GREB1L: variants seen among roughly 807,000 people sequenced by gnomAD.
GREB1L encodes GREB1 like retinoic acid receptor coactivator.
In GREB1L, 17 loss-of-function variants were observed where a neutral mutation model predicts 200.8. The ratio of observed to expected loss-of-function variants is 0.08; its 90% CI spans 0.06 to 0.13. The LOEUF (loss-of-function observed/expected upper bound fraction) is 0.13. Ranked by LOEUF, GREB1L falls within the 10% of genes least tolerant of loss-of-function variation. The pLI is 1.00. For synonymous variants in GREB1L, 789 were observed against 893.0 expected (o/e 0.88, Z 2.08); for missense variants, 1,657 against 2,367.7 (o/e 0.70, Z 6.23).
chr18:21,401,461 G>T, intron 6 of GREB1L, 135 bp downstream of exon 6: 2 of 689,176 alleles, frequency 2.9e-6, no homozygotes, highest in Non-Finnish European at 4.6e-6. Context: ...AAAATTTAAA[G>T]CCTTCTGGTA....
At chr18:21,495,506 A>G (rs1204597210) in intron 19 of GREB1L, among the ~76,000 whole-genome samples, 164 bp from the exon 20 acceptor site, 1 of 152,232 alleles carries the variant, frequency 6.6e-6, no homozygotes, top group African/African-American at 2.4e-5. Flanking sequence ...TGCCTTGTAT[A>G]TGCGATGTAG....
intron 7 of GREB1L, among the ~76,000 whole-genome samples, chr18:21,422,426 C>T (rs1450783316): frequency 6.6e-6 from 1 of 152,102 alleles, no homozygotes; most frequent in Non-Finnish European, 1.5e-5. Flanking sequence ...TTCTAGTCTC[C>T]TCCCAAACAG....
chr18:21,426,573 T>C (rs2032594721), intron 7 of GREB1L, among the ~76,000 whole-genome samples: 1 of 152,230 alleles, frequency 6.6e-6, no homozygotes, highest in Non-Finnish European at 1.5e-5. Flanking sequence ...TCTGTCCTTA[T>C]GCCAACACCA....
intron 1 of GREB1L, among the ~76,000 whole-genome samples, chr18:21,253,804 C>G (rs2037752943): frequency 7.1e-6 from 1 of 141,336 alleles, no homozygotes; most frequent in East Asian, 2.0e-4. Context: ...TTTCCCAAAT[C>G]TTTTGGTAAC....
At chr18:21,441,220 A>T (rs1472869791) in intron 9 of GREB1L, among the ~76,000 whole-genome samples, 180 bp from the exon 10 acceptor site, 2 of 152,228 alleles carry the variant, frequency 1.3e-5, no homozygotes, top group East Asian at 3.8e-4. Context: ...GATTATGGTT[A>T]ATTTTTTTTC....
chr18:21,392,733 C>T (rs1294993486), intron 4 of GREB1L, among the ~76,000 whole-genome samples: 1 of 151,482 alleles, frequency 6.6e-6, no homozygotes, highest in South Asian at 2.1e-4. Flanking sequence ...TATGCCCCAC[C>T]GCTTCATCCA....
intron 16 of GREB1L, among the ~76,000 whole-genome samples, chr18:21,474,900 G>C (rs539097028): frequency 6.6e-6 from 1 of 152,210 alleles, no homozygotes; most frequent in South Asian, 2.1e-4. Flanking sequence ...CAGATCTCAT[G>C]AGACTTTCTT....
intron 1 of GREB1L, among the ~76,000 whole-genome samples, chr18:21,280,789 A>G (rs2038256029): frequency 1.3e-5 from 2 of 152,116 alleles, no homozygotes; most frequent in African/African-American, 4.8e-5. Flanking sequence ...ATTTAAGAGT[A>G]GTGCCCCATA....
chr18:21,410,729 T>C (rs1399085201), intron 7 of GREB1L, among the ~76,000 whole-genome samples: 4 of 128,920 alleles, frequency 3.1e-5, no homozygotes, highest in African/African-American at 1.5e-4. Flanking sequence ...GGAGTCACCA[T>C]AGAGTAAAAA....
chr18:21,263,429 T>C (rs929596077), intron 1 of GREB1L, among the ~76,000 whole-genome samples: 13 of 152,228 alleles, frequency 8.5e-5, no homozygotes, highest in African/African-American at 1.4e-4. Context: ...TTTCTAGTTG[T>C]GTATTACCTG....
chr18:21,307,807 G>A (rs1204721108), intron 1 of GREB1L, among the ~76,000 whole-genome samples: 2 of 152,110 alleles, frequency 1.3e-5, no homozygotes, highest in Non-Finnish European at 2.9e-5. Flanking sequence ...TCCTTGTGGG[G>A]TTGCCTTGGG....
chr18:21,315,298 G>C (rs1449890976), intron 1 of GREB1L, among the ~76,000 whole-genome samples: 1 of 151,944 alleles, frequency 6.6e-6, no homozygotes, highest in African/African-American at 2.4e-5. Flanking sequence ...ACTATGTTGC[G>C]CAGGCTGGTC....
chr18:21,301,635 C>A (rs775988607), intron 1 of GREB1L, among the ~76,000 whole-genome samples: 60 of 152,186 alleles, frequency 3.9e-4, no homozygotes, highest in Non-Finnish European at 7.8e-4. Flanking sequence ...CCTAAGGAAA[C>A]TCTAGAAATA....
In GREB1L at chr18:21,513,913, G is replaced by A; in HGVS notation, c.4828G>A (p.Val1610Ile). 5 of 1,551,178 alleles carry A rather than the reference G, an allele frequency of 3.2e-6. No homozygotes were observed. The highest frequency in any genetic ancestry group is 4.4e-6 in the Non-Finnish European group (5 of 1,146,488). Residue 1610 changes from valine (V) to isoleucine (I), a missense_variant, in exon 28 of 33, where the codon GTC becomes ATC. Val to Ile is a conservative substitution (Grantham distance 29). This residue lies in a region of GREB1L where 151 missense variants were observed against 309.6 expected (regional missense o/e 0.49). Transcript: ENST00000424526. The stretch of plus-strand genomic sequence containing the variant: ...GGAGCTAGGCATTAAACGCCAGTGT[G>A]TCTGGCCTTTCATCGTCATGATGGA... ...LEELGIKRQC[V>I]WPFIVMMDDS... is the part of the protein sequence containing the mutation.
At chr18:21,281,595 T>C (rs1345984207) in intron 1 of GREB1L, among the ~76,000 whole-genome samples, 1 of 152,250 alleles carries the variant, frequency 6.6e-6, no homozygotes, top group African/African-American at 2.4e-5. Flanking sequence ...TTCAAAATGT[T>C]AATTAATATT....
At chr18:21,509,733 C>T (rs1431310558) in intron 27 of GREB1L, among the ~76,000 whole-genome samples, 1 of 152,118 alleles carries the variant, frequency 6.6e-6, no homozygotes, top group Non-Finnish European at 1.5e-5. Context: ...ATGAATATGA[C>T]CTTCTTCTGT....
At chr18:21,406,999 C>T (rs1410104242) in intron 7 of GREB1L, among the ~76,000 whole-genome samples, 4 of 151,768 alleles carry the variant, frequency 2.6e-5, no homozygotes, top group South Asian at 2.1e-4. Context: ...CCTAGCCTTC[C>T]GAGTAGCTGG....
intron 1 of GREB1L, among the ~76,000 whole-genome samples, chr18:21,335,666 C>CTTTTT (rs746907148): frequency 7.2e-6 from 1 of 139,336 alleles, no homozygotes. Flanking sequence ...TTCTTTTTTT[C>CTTTTT]TTTTTTTTTT....
intron 4 of GREB1L, among the ~76,000 whole-genome samples, chr18:21,386,413 C>T (rs562773366): frequency 3.9e-5 from 6 of 152,224 alleles, no homozygotes; most frequent in Admixed American, 3.9e-4. Context: ...GCCTCAGCCT[C>T]ACAAGTAGCT....
Sources: allele counts gnomAD v4.1 joint callset (sites outside exome capture counted in the v4.1 genomes callset), GRCh38; gene constraint gnomAD v4.1.1; regional missense constraint gnomAD v4.1.1; transcripts MANE v1.5; gene names NCBI Gene and HGNC (gene_info 2026-07-23, HGNC 2026-07-21).